Variants in MYO3A observed in about 807,000 individuals in gnomAD.
MYO3A encodes myosin-IIIa.
Under a neutral mutation model 192.7 loss-of-function variants are expected in MYO3A, and 180 were observed. The observed-to-expected ratio is 0.93, with a 90% CI of 0.83 to 1.06. The LOEUF (loss-of-function observed/expected upper bound fraction) is 1.06. Ranked by LOEUF, MYO3A falls within the 50% of genes least tolerant of loss-of-function variation. The probability of loss-of-function intolerance (pLI) is 0.00; values close to 1 mark genes in which losing one functional copy is unlikely to be tolerated. For synonymous variants in MYO3A, 628 were observed against 645.3 expected (o/e 0.97, Z 0.41); for missense variants, 1,896 against 1,905.0 (o/e 1.00, Z 0.09).
At chr10:26,005,333 A>G (rs1841120743) in intron 6 of MYO3A, among the ~76,000 whole-genome samples, 1 of 152,226 alleles carries the variant, frequency 6.6e-6, no homozygotes, top group Admixed American at 6.5e-5. Flanking sequence ...TGTTAAGTTC[A>G]TGAAATTCAA....
intron 32 of MYO3A, among the ~76,000 whole-genome samples, chr10:26,193,819 T>G (rs1843270507): frequency 6.6e-6 from 1 of 152,256 alleles, no homozygotes; most frequent in Non-Finnish European, 1.5e-5. Context: ...ATCAGGATTC[T>G]GAGACACAGA....
chr10:26,005,707 GTAA>G (rs1248857039), intron 6 of MYO3A, among the ~76,000 whole-genome samples: 1 of 152,020 alleles, frequency 6.6e-6, no homozygotes, highest in East Asian at 1.9e-4. Flanking sequence ...ATGTATATAT[GTAA>G]TACATATTAG....
At chr10:26,185,306 A>G (rs1268217016) in intron 31 of MYO3A, among the ~76,000 whole-genome samples, 2 of 147,106 alleles carry the variant, frequency 1.4e-5, no homozygotes, top group African/African-American at 5.0e-5. Flanking sequence ...CATCAATGCT[A>G]CCATACCATA....
intron 11 of MYO3A, among the ~76,000 whole-genome samples, chr10:26,067,735 C>A (rs1306643502): frequency 6.6e-6 from 1 of 152,156 alleles, no homozygotes; most frequent in Admixed American, 6.5e-5. Context: ...AGCCTACTTT[C>A]CCCTCACCCT....
At chr10:26,122,555 C>T (rs942033456) in intron 18 of MYO3A, among the ~76,000 whole-genome samples, 1 of 152,176 alleles carries the variant, frequency 6.6e-6, no homozygotes, top group Non-Finnish European at 1.5e-5. Flanking sequence ...ACAACATCAC[C>T]TCTCACCTGA....
chr10:26,022,238 C>A (rs1842343717), intron 8 of MYO3A: 1 of 152,166 alleles, frequency 6.6e-6, no homozygotes, highest in African/African-American at 2.4e-5. Context: ...ACAGATTTTC[C>A]CCTACTATCC....
At chr10:26,209,395 C>T (rs566647550) in intron 34 of MYO3A, among the ~76,000 whole-genome samples, 1 of 152,202 alleles carries the variant, frequency 6.6e-6, no homozygotes, top group Non-Finnish European at 1.5e-5. Flanking sequence ...CCAATCCCCC[C>T]CTACAACCAC....
intron 4 of MYO3A, among the ~76,000 whole-genome samples, chr10:25,969,011 G>T (rs1351171343): frequency 6.6e-6 from 1 of 152,192 alleles, no homozygotes; most frequent in Non-Finnish European, 1.5e-5. Flanking sequence ...AGGCCAAGGT[G>T]GGCGGATGAC....
At chr10:26,123,226 C>T (rs971745484) in intron 18 of MYO3A, among the ~76,000 whole-genome samples, 6 of 151,914 alleles carry the variant, frequency 3.9e-5, no homozygotes, top group African/African-American at 1.5e-4. Context: ...TATTTGACTA[C>T]ATAAAAATTA....
intron 26 of MYO3A, among the ~76,000 whole-genome samples, chr10:26,160,324 A>G (rs1324865103): frequency 1.3e-5 from 2 of 152,232 alleles, no homozygotes; most frequent in Non-Finnish European, 2.9e-5. Context: ...CAAGAGAATG[A>G]TATACACAGT....
At chr10:26,185,911 T>C (rs896874996) in intron 31 of MYO3A, among the ~76,000 whole-genome samples, 3 of 152,242 alleles carry the variant, frequency 2.0e-5, no homozygotes, top group Non-Finnish European at 4.4e-5. Flanking sequence ...TCAATACCTT[T>C]GCAGGAATCC....
chr10:25,985,119 T>C (rs902131661), intron 4 of MYO3A, among the ~76,000 whole-genome samples: 3 of 151,564 alleles, frequency 2.0e-5, no homozygotes, highest in African/African-American at 7.3e-5. Flanking sequence ...GTGCCTGTCG[T>C]CCCAGCTACT....
At position 26,025,235 on chromosome 10, in the gene MYO3A, G is replaced by A. The variant is rs565620535; in HGVS notation, c.798-1142G>A. Among the ~76,000 whole-genome samples the A allele has an allele frequency of 7.2e-5, 11 of 152,186 alleles. No individual in the cohort carries two copies. In the South Asian group the frequency reaches 2.3e-3, roughly 32 times the overall value. ...TCCGGGGAAATATATTTTTGGTTAA[G>A]CTCAATGAAATAAATTGCCTAATTA... On this transcript the variant is annotated intron_variant, in intron 9 of 34. Transcript: ENST00000642920.
intron 10 of MYO3A, among the ~76,000 whole-genome samples, chr10:26,031,249 A>G (rs2131150139): frequency 6.6e-6 from 1 of 152,326 alleles, no homozygotes; most frequent in Non-Finnish European, 1.5e-5. Flanking sequence ...GATGGGAGAG[A>G]GCCAGGTTTA....
In MYO3A at chr10:26,081,146, G is replaced by A. The variant is rs2368123; in HGVS notation, c.1360-7057G>A. ...ATTATATGCCCTTCCCCCCCCCCCC[G>A]CCCCCGCTACCAGGGTGGGTAGGGA... On this transcript the variant is annotated intron_variant, in intron 14 of 34. Coordinates refer to ENST00000642920, the MANE Select transcript of MYO3A (RefSeq NM_017433.5). Among the ~76,000 whole-genome samples, 33 of 70,752 alleles carry A rather than the reference G, an allele frequency of 4.7e-4. 1 individual carries two copies. Among genetic ancestry groups the A allele is most frequent in the South Asian group, 1.5e-3 (2 of 1,292 alleles). 46.4% of individuals were successfully genotyped at this position (70,752 alleles called of 152,430 possible). A position where few individuals can be genotyped will look rare whatever the true frequency, so the allele number is the denominator to read the frequency against.
At chr10:25,978,434 C>A (rs1588692837) in intron 4 of MYO3A, among the ~76,000 whole-genome samples, 1 of 152,184 alleles carries the variant, frequency 6.6e-6, no homozygotes, top group African/African-American at 2.4e-5. Flanking sequence ...TGCAGGGAAA[C>A]ACCCCTTTCT....
chr10:26,102,572 G>A (rs764993694), intron 17 of MYO3A, among the ~76,000 whole-genome samples: 34 of 152,288 alleles, frequency 2.2e-4, no homozygotes, highest in Non-Finnish European at 4.4e-4. Flanking sequence ...ATGTACAGAT[G>A]GGCTTTTGGT....
intron 6 of MYO3A, among the ~76,000 whole-genome samples, chr10:25,999,166 G>A (rs1840631292): frequency 6.6e-6 from 1 of 152,140 alleles, no homozygotes; most frequent in African/African-American, 2.4e-5. Context: ...CCAAAGGGCT[G>A]GGATTACAGG....
intron 2 of MYO3A, among the ~76,000 whole-genome samples, chr10:25,945,876 AT>A (rs1187234897): frequency 6.6e-6 from 1 of 151,944 alleles, no homozygotes; most frequent in East Asian, 1.9e-4. Context: ...ACATGTTTTG[AT>A]TCTTATTTTC....
Sources: gnomAD v4.1 joint callset for allele counts (sites outside exome capture counted in the v4.1 genomes callset) on GRCh38, gnomAD v4.1.1 for gene constraint, MANE v1.5 for transcripts, NCBI Gene and HGNC (gene_info 2026-07-23, HGNC 2026-07-21) for gene names.